CAMTA1: variants seen among roughly 807,000 people sequenced by gnomAD.
The protein encoded by CAMTA1 is calmodulin-binding transcription activator 1.
Under a neutral mutation model 170.9 loss-of-function variants are expected in CAMTA1, and 27 were observed. That is an observed-to-expected ratio of 0.16 (90% CI 0.12 to 0.22). The LOEUF is 0.22. Ranked by LOEUF, CAMTA1 falls within the 10% of genes least tolerant of loss-of-function variation. The pLI is 1.00. For synonymous variants in CAMTA1, 833 were observed against 891.5 expected, an observed-to-expected ratio of 0.93 and a Z score of 1.17; for missense variants, 1,619 against 2,217.2, an observed-to-expected ratio of 0.73 and a Z score of 5.42.
chr1:7,188,132 A>G (rs1156820836), intron 4 of CAMTA1, among the ~76,000 whole-genome samples: 3 of 152,138 alleles, frequency 2.0e-5, no homozygotes, highest in East Asian at 3.9e-4. Flanking sequence ...GAACTCACTC[A>G]TTATCCTGAC....
At chr1:6,902,857 TGG>T (rs1349545146) in intron 3 of CAMTA1, among the ~76,000 whole-genome samples, 42 of 152,372 alleles carry the variant, frequency 2.8e-4, no homozygotes, top group Non-Finnish European at 4.0e-4. Context: ...CAAACATTGC[TGG>T]TTGGTGTATG....
intron 5 of CAMTA1, among the ~76,000 whole-genome samples, chr1:7,250,693 T>C (rs1006507638): frequency 6.6e-6 from 1 of 152,178 alleles, no homozygotes; most frequent in African/African-American, 2.4e-5. Context: ...CCAAATGGCC[T>C]GTATTATATG....
chr1:7,550,382 C>T (rs1468534641), intron 6 of CAMTA1, among the ~76,000 whole-genome samples: 1 of 151,902 alleles, frequency 6.6e-6, no homozygotes, highest in African/African-American at 2.4e-5. Context: ...TGGCCCTGAT[C>T]CAGAGTCCTG....
At chr1:7,521,962 C>CA (rs766983005) in intron 6 of CAMTA1, among the ~76,000 whole-genome samples, 3 of 152,206 alleles carry the variant, frequency 2.0e-5, no homozygotes, top group Non-Finnish European at 4.4e-5. Flanking sequence ...TTGACAATGA[C>CA]AAATGAAGCT....
chr1:6,959,625 A>G (rs530102050), intron 3 of CAMTA1, among the ~76,000 whole-genome samples: 51 of 152,342 alleles, frequency 3.3e-4, no homozygotes, highest in Non-Finnish European at 5.4e-4. Flanking sequence ...TTGTTAATAA[A>G]AGTAGCTAAT....
chr1:7,594,924 G>C (rs565821842), intron 6 of CAMTA1, among the ~76,000 whole-genome samples: 8 of 152,346 alleles, frequency 5.3e-5, no homozygotes, highest in African/African-American at 1.9e-4. Flanking sequence ...AGCACTATGG[G>C]TTCGGAATTG....
chr1:7,014,352 A>G lies in CAMTA1; in HGVS notation c.235-76952A>G, dbSNP rs988626208. 7.2e-5 allele frequency: 11 copies of G among 152,274 alleles called. No individual in the cohort carries two copies. The highest frequency in any genetic ancestry group is 2.7e-4 in the African/African-American group (11 of 41,470). The allele number at this position is 152,274 out of a possible 1,614,324, so 9.4% of individuals were successfully genotyped here. ...CAGTTTGTGTTTGGGGTGTGAGGCTATAAACAGCCCAGGAGTCCTGAGGGG... is the reference window on the plus strand; with the variant it reads ...CAGTTTGTGTTTGGGGTGTGAGGCTGTAAACAGCCCAGGAGTCCTGAGGGG... On this transcript the variant is annotated intron_variant, in intron 3 of 22. Coordinates refer to ENST00000303635, the MANE Select transcript of CAMTA1 (RefSeq NM_015215.4). This position sits in a 1 kb window ranked among gnomAD's most constrained non-coding sequence, Gnocchi z 4.2.
intron 6 of CAMTA1, among the ~76,000 whole-genome samples, chr1:7,569,117 C>G (rs1211757333): frequency 6.6e-6 from 1 of 151,504 alleles, no homozygotes; most frequent in Admixed American, 6.6e-5. Flanking sequence ...ATCATCACCA[C>G]CATCACCATC....
At chr1:7,119,965 GA>G (rs1334273496) in intron 4 of CAMTA1, among the ~76,000 whole-genome samples, 1 of 152,114 alleles carries the variant, frequency 6.6e-6, no homozygotes, top group Non-Finnish European at 1.5e-5. Context: ...ACCCTCATGA[GA>G]ACCTTTCGAC....
intron 6 of CAMTA1, among the ~76,000 whole-genome samples, chr1:7,589,765 A>G (rs2095341343): frequency 6.6e-6 from 1 of 152,204 alleles, no homozygotes; most frequent in Non-Finnish European, 1.5e-5. Context: ...CCCAGGAATA[A>G]TAAGAGGAGG....
intron 4 of CAMTA1, among the ~76,000 whole-genome samples, chr1:7,149,285 T>C: frequency 6.6e-6 from 1 of 152,244 alleles, no homozygotes; most frequent in East Asian, 1.9e-4. Flanking sequence ...ATGGGCCTTT[T>C]GCTTCTGAGC....
chr1:7,602,142 T>TCCTTCCTG (rs1401985805), intron 6 of CAMTA1, among the ~76,000 whole-genome samples: 1 of 87,364 alleles, frequency 1.1e-5, no homozygotes, highest in Admixed American at 1.3e-4. Flanking sequence ...CTTCCTTCCT[T>TCCTTCCTG]CCTCCCTCCC....
At chr1:7,314,390 C>G (rs1024595508) in intron 5 of CAMTA1, among the ~76,000 whole-genome samples, 1 of 152,194 alleles carries the variant, frequency 6.6e-6, no homozygotes, top group East Asian at 1.9e-4. Flanking sequence ...GCAATGGGAG[C>G]CCCAGGGTTT....
At chr1:7,488,443 A>G (rs2093647747) in intron 6 of CAMTA1, among the ~76,000 whole-genome samples, 1 of 152,104 alleles carries the variant, frequency 6.6e-6, no homozygotes, top group Admixed American at 6.5e-5. Context: ...GGCTGGGATC[A>G]GGGACAACAA....
At chr1:7,706,671 G>A (rs958141939) in intron 11 of CAMTA1, among the ~76,000 whole-genome samples, 22 of 152,208 alleles carry the variant, frequency 1.4e-4, no homozygotes, top group African/African-American at 5.1e-4. Flanking sequence ...TACAGCGTAT[G>A]CATTTCCTAA....
chr1:7,373,806 G>A (rs1448143242), intron 5 of CAMTA1, among the ~76,000 whole-genome samples: 2 of 152,144 alleles, frequency 1.3e-5, no homozygotes, highest in Non-Finnish European at 2.9e-5. Flanking sequence ...CTCAGTGCAT[G>A]GAATCTTCAT....
intron 1 of CAMTA1, among the ~76,000 whole-genome samples, chr1:6,786,894 A>G (rs1273016468): frequency 6.6e-6 from 1 of 152,090 alleles, no homozygotes; most frequent in Non-Finnish European, 1.5e-5. Context: ...AGACCGGGGT[A>G]TATTTTTGCC....
chr1:7,016,780 G>C (rs1027184438), intron 3 of CAMTA1, among the ~76,000 whole-genome samples: 2 of 151,902 alleles, frequency 1.3e-5, no homozygotes, highest in Admixed American at 1.3e-4. Context: ...AGGTTGCAGT[G>C]AGCTGAGATT....
chr1:6,836,524 G>A (rs1024445172), intron 3 of CAMTA1, among the ~76,000 whole-genome samples: 1 of 152,182 alleles, frequency 6.6e-6, no homozygotes, highest in Non-Finnish European at 1.5e-5. Flanking sequence ...AAAAGAAACT[G>A]GGAGGCCCTT....
Sources: gnomAD v4.1 joint callset for allele counts (sites outside exome capture counted in the v4.1 genomes callset) on GRCh38, gnomAD v4.1.1 for gene constraint, Gnocchi (gnomAD v3.1) non-coding constraint, MANE v1.5 for transcripts, NCBI Gene and HGNC (gene_info 2026-07-23, HGNC 2026-07-21) for gene names.